Variants in PAX6 observed in about 807,000 individuals in gnomAD.
The protein encoded by PAX6 is paired box protein Pax-6.
A neutral mutation model predicts 60.7 loss-of-function variants in PAX6; 7 were observed. The observed-to-expected ratio is 0.12, with a 90% CI of 0.07 to 0.22. The LOEUF is 0.22. PAX6 is among the 10% of genes least tolerant of loss of function. PAX6 has a pLI of 1.00. For missense variants in PAX6, 355 were observed against 555.2 expected, an observed-to-expected ratio of 0.64 and a Z score of 3.62; for synonymous variants, 208 against 201.2, an observed-to-expected ratio of 1.03 and a Z score of -0.29.
In PAX6 at chr11:31,789,587, A is replaced by G. The variant is rs1475869810; in HGVS notation, c.*347T>C. The stretch of plus-strand genomic sequence containing the variant: ...TCATGGTTTTCTTTTTAAAAAAAAA[A>G]AAAACAACTTCATGACCAACACAGA... On this transcript the variant is annotated 3_prime_UTR_variant, in exon 14 of 14. Transcript: ENST00000640368. 1 of 606,836 alleles carries G rather than the reference A, an allele frequency of 1.6e-6. No homozygotes were observed. The highest frequency in any genetic ancestry group is 3.3e-4 in the Middle Eastern group (1 of 3,018). 37.6% of individuals were successfully genotyped at this position (606,836 alleles called of 1,614,324 possible). A position where few individuals can be genotyped will look rare whatever the true frequency, so the allele number is the denominator to read the frequency against.
Position 31,802,713 on chromosome 11 carries a change from T to C in PAX6, c.132A>G (p.Arg44=). ...GCGCCGGGAGGATCACCTGCAGAAT[T>C]CGGGAAATGTCGCACGGCCGGGCCC... The part of the protein sequence containing the change: ...HSGARPCDIS[R]ILQTHADAKV... Residue 44 remains arginine, a synonymous_variant, in exon 5 of 14, where the codon CGA becomes CGG. Coordinates refer to ENST00000640368, the MANE Select transcript of PAX6 (RefSeq NM_001368894.2). 1 of 1,612,422 alleles carries C rather than the reference T, an allele frequency of 6.2e-7. No individual in the cohort carries two copies. Among genetic ancestry groups the C allele is most frequent in the Non-Finnish European group, 8.5e-7 (1 of 1,179,030 alleles).
chr11:31,801,115 C>T, intron 7 of PAX6: 1 of 839,336 alleles, frequency 1.2e-6, no homozygotes, highest in Non-Finnish European at 1.8e-6. Context: ...ACCTAACTCA[C>T]ACGGTTGCTT....
At position 31,806,079 on chromosome 11, in the gene PAX6, G is replaced by T. The variant is rs3026363; in HGVS notation, c.10+323C>A. On this transcript the variant is annotated intron_variant, in intron 4 of 13. Coordinates refer to ENST00000640368, the MANE Select transcript of PAX6 (RefSeq NM_001368894.2). ...CTGATCAGCCCAGCCCCTCTCTCCG[G>T]GGTCAGAGCCCGGGCAGGGGCGAGA... The T allele has an allele frequency of 2.5e-3, 1,059 of 419,040 alleles. 7 individuals carry two copies. Among genetic ancestry groups the T allele is most frequent in the South Asian group, 9.2e-3 (164 of 17,844 alleles). 26.0% of individuals were successfully genotyped at this position (419,040 alleles called of 1,614,324 possible).
chr11:31,816,650 C>T, intron 1 of PAX6: 1 of 701,962 alleles, frequency 1.4e-6, no homozygotes, highest in Non-Finnish European at 2.6e-6. Context: ...GTAAGGCGTG[C>T]GGCCGGACTG....
At position 31,802,887 on chromosome 11, in the gene PAX6, G is replaced by A. The variant is rs1388817207; in HGVS notation, c.11-53C>T. ...GGAAAAGAAGAGAAGAGAGCAGAGT[G>A]AAGAGGAAGAAGAGGGAGAAGAAGG... On this transcript the variant is annotated intron_variant, in intron 4 of 13. Transcript: ENST00000640368. The A allele has an allele frequency of 6.6e-6, 10 of 1,524,840 alleles. No homozygotes were observed. In the East Asian group the frequency reaches 1.1e-4, roughly 17 times the overall value. 94.5% of individuals were successfully genotyped at this position (1,524,840 alleles called of 1,614,324 possible). A position where few individuals can be genotyped will look rare whatever the true frequency, so the allele number is the denominator to read the frequency against.
chr11:31,800,943 C>T, intron 7 of PAX6, 87 bp from the exon 8 acceptor site: 1 of 1,392,688 alleles, frequency 7.2e-7, no homozygotes, highest in South Asian at 1.2e-5. Flanking sequence ...CCTTAAAAAG[C>T]AACTCTCAAC....
At chr11:31,815,678 G>A (rs922159383), upstream of PAX6, among the ~76,000 whole-genome samples, 33 of 151,920 alleles carry the variant, frequency 2.2e-4, no homozygotes, top group African/African-American at 7.0e-4. Context: ...AAGGCACTAA[G>A]GGGCTCAATG....
upstream of PAX6, chr11:31,813,241 G>A (rs1472193425): frequency 1.3e-5 from 2 of 152,112 alleles, no homozygotes; most frequent in African/African-American, 4.8e-5. Context: ...TTCGGAGGAT[G>A]CCGGCAAGTG....
intron 7 of PAX6, 79 bp downstream of exon 7, chr11:31,801,480 GGA>G: frequency 1.2e-6 from 2 of 1,607,652 alleles, no homozygotes; most frequent in Admixed American, 3.4e-5. Context: ...AAGAGACAGT[GGA>G]GAGAGAGGGT....
In PAX6 at chr11:31,790,675, C is replaced by T. The variant is rs780059732; in HGVS notation, c.1225+35G>A. 5 of 1,613,300 alleles carry T rather than the reference C, an allele frequency of 3.1e-6. No individual in the cohort carries two copies. The African/African-American group carries it at 4.0e-5, about 13-fold the overall frequency. On this transcript the variant is annotated intron_variant, in intron 13 of 13. Transcript: ENST00000640368. ...GGGTAAACTTCTAGTGAAGAGAGAT[C>T]GCCTCTGTGCAGCCTGCAGAAAGCA...
At chr11:31,790,457 C>G in intron 13 of PAX6, 1 of 1,353,892 alleles carries the variant, frequency 7.4e-7, no homozygotes, top group Non-Finnish European at 9.5e-7. Flanking sequence ...CCTCAGAAAA[C>G]TTGCAGTCTC....
At chr11:31,793,235 C>T (rs1212784080) in intron 12 of PAX6, 1 of 695,278 alleles carries the variant, frequency 1.4e-6, no homozygotes, top group South Asian at 1.5e-5. Flanking sequence ...ATTTTTATTA[C>T]TCATTTTTTT....
At chr11:31,807,508 C>T (rs1956107418) in intron 2 of PAX6, 1 of 152,296 alleles carries the variant, frequency 6.6e-6, no homozygotes, top group Non-Finnish European at 1.5e-5. Flanking sequence ...TACCTCCCAG[C>T]TTTCTGGGAC....
At chr11:31,809,466 A>G (rs1355513524) in intron 2 of PAX6, 1 of 152,244 alleles carries the variant, frequency 6.6e-6, no homozygotes, top group Non-Finnish European at 1.5e-5. Flanking sequence ...TTGTTTTTAA[A>G]CTTTCTAGAA....
intron 9 of PAX6, 56 bp from the exon 10 acceptor site, chr11:31,794,170 C>A: frequency 1.7e-6 from 2 of 1,166,640 alleles, no homozygotes; most frequent in African/African-American, 1.5e-5. Context: ...AATATGTTGA[C>A]CAAACTGTGC....
chr11:31,794,614 T>C lies in PAX6; in HGVS notation c.724+16A>G. ...ACTTTGATTTACTGCTTCTCTACTT[T>C]GAAAAACTCTATCACCTTTCTCCAG... On this transcript the variant is annotated intron_variant, in intron 9 of 13. Transcript: ENST00000640368. 1 of 1,614,148 alleles carries C rather than the reference T, an allele frequency of 6.2e-7. No individual in the cohort carries two copies. The highest frequency in any genetic ancestry group is 8.5e-7 in the Non-Finnish European group (1 of 1,179,962).
chr11:31,816,631 C>A, intron 1 of PAX6: 1 of 702,480 alleles, frequency 1.4e-6, no homozygotes, highest in Non-Finnish European at 2.6e-6. Context: ...GGAGAGGATC[C>A]CGGCCCAGGT....
intron 2 of PAX6, chr11:31,807,820 G>A (rs955350216): frequency 6.6e-6 from 1 of 152,220 alleles, no homozygotes; most frequent in South Asian, 2.1e-4. Flanking sequence ...AAAGGGAACA[G>A]AGGGACGCTT....
intron 12 of PAX6, chr11:31,791,526 G>A (rs1372264224): frequency 6.4e-6 from 1 of 156,570 alleles, no homozygotes. Context: ...GTTCGGAATG[G>A]CAGCACTGAG....
Sources: gnomAD v4.1 joint callset for allele counts (sites outside exome capture counted in the v4.1 genomes callset) on GRCh38, gnomAD v4.1.1 for gene constraint, MANE v1.5 for transcripts, NCBI Gene and HGNC (gene_info 2026-07-23, HGNC 2026-07-21) for gene names.